Variants in ADARB2 observed in about 807,000 individuals in gnomAD.
The protein encoded by ADARB2 is adenosine deaminase RNA specific B2 (inactive).
A neutral mutation model predicts 62.2 loss-of-function variants in ADARB2; 25 were observed. That is an observed-to-expected ratio of 0.40 (90% CI 0.29 to 0.56). The LOEUF (loss-of-function observed/expected upper bound fraction) is 0.56. Among genes scored for constraint, ADARB2 ranks in the 20% least tolerant of loss-of-function variants. The pLI is 0.43. For synonymous variants in ADARB2, 572 were observed against 500.8 expected (o/e 1.14, Z -1.90); for missense variants, 1,071 against 1,077.4 (o/e 0.99, Z 0.08).
At chr10:1,643,537 G>T (rs968366189) in intron 1 of ADARB2, among the ~76,000 whole-genome samples, 4 of 152,184 alleles carry the variant, frequency 2.6e-5, no homozygotes, top group African/African-American at 7.2e-5. Context: ...AAGCAACAGT[G>T]ACGTCAGCTT....
chr10:1,718,134 G>A (rs1196971775), intron 1 of ADARB2, among the ~76,000 whole-genome samples: 1 of 152,188 alleles, frequency 6.6e-6, no homozygotes, highest in Non-Finnish European at 1.5e-5. Flanking sequence ...GAAAGTCGCT[G>A]TTTCCATCAT....
intron 1 of ADARB2, among the ~76,000 whole-genome samples, chr10:1,553,582 G>A (rs960988706): frequency 6.6e-6 from 1 of 152,184 alleles, no homozygotes. Flanking sequence ...TAACGGACTC[G>A]AGGAGGCCGG....
chr10:1,678,253 G>A, intron 1 of ADARB2: 1 of 985,134 alleles, frequency 1.0e-6, no homozygotes, highest in Non-Finnish European at 1.2e-6. Context: ...CTCGGGGTGA[G>A]CATCCTCAGG....
chr10:1,199,577 C>A, intron 8 of ADARB2: 1 of 187,660 alleles, frequency 5.3e-6, no homozygotes, highest in Non-Finnish European at 1.1e-5. Flanking sequence ...CCCCGCCCCT[C>A]CTCGCCCACC....
At position 1,220,164 on chromosome 10, in the gene ADARB2, A is replaced by AATGATGGTGGTG. The variant is rs143164165; in HGVS notation, c.1514-3057_1514-3046dup. The stretch of plus-strand genomic sequence containing the variant: ...TGGCAATGGTGATGATGGTGATGGT[A>AATGATGGTGGTG]ATGATGGTGGTGATGATGGTGGTGA... On this transcript the variant is annotated intron_variant, in intron 6 of 9. Coordinates refer to ENST00000381312, the MANE Select transcript of ADARB2 (RefSeq NM_018702.4). Among the ~76,000 whole-genome samples the AATGATGGTGGTG allele has an allele frequency of 1.3e-4, 14 of 109,432 alleles. No homozygotes were observed. The South Asian group carries it at 4.5e-3, about 35-fold the overall frequency. The allele number at this position is 109,432 out of a possible 152,430, so 71.8% of individuals were successfully genotyped here.
intron 1 of ADARB2, among the ~76,000 whole-genome samples, chr10:1,425,008 G>A (rs982748314): frequency 1.3e-5 from 2 of 152,196 alleles, no homozygotes; most frequent in Non-Finnish European, 2.9e-5. Flanking sequence ...GCTAATCACC[G>A]TAACAGAAGA....
intron 1 of ADARB2, among the ~76,000 whole-genome samples, chr10:1,599,983 G>T (rs1175942293): frequency 6.6e-6 from 1 of 152,134 alleles, no homozygotes; most frequent in East Asian, 1.9e-4. Context: ...GGGCTCCAGA[G>T]ATCTGAGCAC....
At chr10:1,712,462 G>A (rs550765276) in intron 1 of ADARB2, among the ~76,000 whole-genome samples, 27 of 152,010 alleles carry the variant, frequency 1.8e-4, no homozygotes, top group African/African-American at 6.3e-4. Context: ...TTCTGCATGA[G>A]GAGAGGCTGT....
rs1001620708 is a variant in ADARB2 at position 1,385,548 on chromosome 10, A to G, written c.101-6388T>C. ...TTGGATATGTCACTTTGCAAAACAT[A>G]TCAGTAAATTTGAAGGCAGATCAAT... is the stretch of plus-strand genomic sequence containing the variant. On this transcript the variant is annotated intron_variant, in intron 1 of 9. Coordinates refer to ENST00000381312, the MANE Select transcript of ADARB2 (RefSeq NM_018702.4). Among the ~76,000 whole-genome samples, 32 of 151,568 alleles carry G rather than the reference A, an allele frequency of 2.1e-4. No individual in the cohort carries two copies. In the Middle Eastern group the frequency reaches 0.01, roughly 48 times the overall value.
intron 1 of ADARB2, among the ~76,000 whole-genome samples, chr10:1,584,079 A>T (rs1833142356): frequency 6.6e-6 from 1 of 152,326 alleles, no homozygotes; most frequent in Admixed American, 6.5e-5. Context: ...CTTAGGTATG[A>T]TGCTGACTTT....
chr10:1,737,108 T>C lies in ADARB2; in HGVS notation c.43A>G (p.Ser15Gly). ...LGSGRGSGGLSSQLKCKSKRR... is the reference protein window; with the variant it reads ...LGSGRGSGGLGSQLKCKSKRR... ...TTGGACTTGCATTTGAGTTGACTGC[T>C]CAGCCCTCCAGACCCTCTGCCGCTC... The change falls in exon 1 of 10, where the codon AGC (serine) becomes GGC (glycine). Residue 15 changes from serine (S) to glycine (G), a missense_variant. Coordinates refer to ENST00000381312, the MANE Select transcript of ADARB2 (RefSeq NM_018702.4). 6.2e-7 allele frequency: 1 copy of C among 1,611,248 alleles called. No homozygotes were observed. Among genetic ancestry groups the C allele is most frequent in the Non-Finnish European group, 8.5e-7 (1 of 1,179,910 alleles).
chr10:1,346,737 C>A (rs544570238), intron 3 of ADARB2, among the ~76,000 whole-genome samples: 1 of 152,272 alleles, frequency 6.6e-6, no homozygotes, highest in Non-Finnish European at 1.5e-5. Context: ...GGCAGCAGGC[C>A]GGGAGCCAGG....
chr10:1,712,759 C>G (rs930207779), intron 1 of ADARB2, among the ~76,000 whole-genome samples: 4 of 97,362 alleles, frequency 4.1e-5, no homozygotes, highest in African/African-American at 1.8e-4. Flanking sequence ...CAGGCTCCCA[C>G]CACGACGCCC....
intron 4 of ADARB2, among the ~76,000 whole-genome samples, chr10:1,261,481 T>A (rs1831136151): frequency 1.3e-5 from 2 of 150,024 alleles, no homozygotes; most frequent in South Asian, 4.2e-4. Flanking sequence ...CATAAAAAAG[T>A]GGGCAAAGGA....
chr10:1,199,215 C>CA (rs1564217563), intron 8 of ADARB2, among the ~76,000 whole-genome samples: 1 of 90,744 alleles, frequency 1.1e-5, no homozygotes, highest in Non-Finnish European at 2.6e-5. Context: ...CGGAAACCCA[C>CA]CCCCCCGCTT....
intron 1 of ADARB2, among the ~76,000 whole-genome samples, chr10:1,605,870 T>C (rs1371218145): frequency 2.0e-5 from 3 of 152,204 alleles, no homozygotes; most frequent in Non-Finnish European, 4.4e-5. Context: ...GGCAAATGAA[T>C]GTCTAAAGTC....
intron 1 of ADARB2, among the ~76,000 whole-genome samples, chr10:1,485,579 C>T (rs1831531100): frequency 1.3e-5 from 2 of 152,184 alleles, no homozygotes; most frequent in Admixed American, 1.3e-4. Context: ...CCAAGCGTCC[C>T]AGGTCTCGTC....
At chr10:1,233,886 A>G (rs1441742110) in intron 5 of ADARB2, 41 bp from the exon 6 acceptor site, 9 of 1,590,694 alleles carry the variant, frequency 5.7e-6, no homozygotes, top group Non-Finnish European at 6.9e-6. Flanking sequence ...ATCACAAACC[A>G]AACCAGAAAT....
intron 1 of ADARB2, among the ~76,000 whole-genome samples, chr10:1,708,786 G>C (rs908277666): frequency 6.6e-6 from 1 of 152,166 alleles, no homozygotes; most frequent in Non-Finnish European, 1.5e-5. Context: ...CACACACCAC[G>C]TCACCATCAC....
Sources: gnomAD v4.1 joint callset for allele counts (sites outside exome capture counted in the v4.1 genomes callset) on GRCh38, gnomAD v4.1.1 for gene constraint, MANE v1.5 for transcripts, NCBI Gene and HGNC (gene_info 2026-07-23, HGNC 2026-07-21) for gene names.